Variants in RYR2 observed in about 807,000 individuals in gnomAD.
The protein encoded by RYR2 is ryanodine receptor 2.
A neutral mutation model predicts 601.1 loss-of-function variants in RYR2; 227 were observed. The observed-to-expected ratio is 0.38, with a 90% CI of 0.34 to 0.42. RYR2 has a LOEUF of 0.42. Ranked by LOEUF, RYR2 falls within the 10% of genes least tolerant of loss-of-function variation. The pLI, the probability that RYR2 is intolerant of heterozygous loss-of-function variation, is 1.00. For missense variants in RYR2, 4,646 were observed against 6,156.5 expected, an observed-to-expected ratio of 0.75 and a Z score of 8.21; for synonymous variants, 2,223 against 2,175.1, an observed-to-expected ratio of 1.02 and a Z score of -0.61.
At chr1:237,263,764 G>A (rs1336909045) in intron 1 of RYR2, among the ~76,000 whole-genome samples, 1 of 152,098 alleles carries the variant, frequency 6.6e-6, no homozygotes, top group Non-Finnish European at 1.5e-5. Context: ...GATATTTTTT[G>A]ATTGAGTGCT....
At chr1:237,307,101 G>C (rs10802599) in intron 2 of RYR2, among the ~76,000 whole-genome samples, 142,830 of 152,238 alleles carry the variant, frequency 0.94, 67,678 homozygotes, top group Middle Eastern at 1. Flanking sequence ...GGCTGTATTT[G>C]AGCTTGTATT....
At chr1:237,350,140 A>C (rs1698633536) in intron 3 of RYR2, among the ~76,000 whole-genome samples, 1 of 152,176 alleles carries the variant, frequency 6.6e-6, no homozygotes, top group Non-Finnish European at 1.5e-5. Context: ...ATGGATTGTC[A>C]GATTTTATTA....
intron 24 of RYR2, among the ~76,000 whole-genome samples, chr1:237,524,708 G>T (rs112396302): frequency 6.7e-6 from 1 of 150,302 alleles, no homozygotes; most frequent in Admixed American, 6.6e-5. Flanking sequence ...GTGTGTGTGT[G>T]TATATATACA....
chr1:237,741,969 GA>G (rs1270796738), intron 79 of RYR2, among the ~76,000 whole-genome samples: 2 of 152,192 alleles, frequency 1.3e-5, no homozygotes, highest in Admixed American at 6.6e-5. Context: ...AAAAAAAAGA[GA>G]AAATCCTTTT....
intron 101 of RYR2, among the ~76,000 whole-genome samples, chr1:237,826,161 C>G (rs1381099828): frequency 6.6e-6 from 1 of 152,146 alleles, no homozygotes; most frequent in Non-Finnish European, 1.5e-5. Flanking sequence ...AATCTTATTA[C>G]TGGGGATATA....
intron 27 of RYR2, among the ~76,000 whole-genome samples, chr1:237,552,788 G>A (rs1670531577): frequency 6.6e-6 from 1 of 151,864 alleles, no homozygotes; most frequent in Admixed American, 6.6e-5. Context: ...TCCTATAGAT[G>A]GATGATGTGG....
chr1:237,423,470 T>A (rs1705797620), intron 12 of RYR2, among the ~76,000 whole-genome samples: 2 of 152,192 alleles, frequency 1.3e-5, no homozygotes, highest in Non-Finnish European at 2.9e-5. Context: ...CAATAAAGGG[T>A]AATGATTACA....
chr1:237,058,105 C>T lies in RYR2; in HGVS notation c.48+15536C>T, dbSNP rs139167945. Among the ~76,000 whole-genome samples, 733 of 152,188 alleles carry T rather than the reference C, an allele frequency of 4.8e-3. 7 individuals are homozygous for T. The highest frequency in any genetic ancestry group is 0.017 in the African/African-American group (693 of 41,522). ...AAATGGGAGAAGCTGATATTGCTGG[C>T]GGGTTTTTTCTCATAGCTGTTAACT... is the stretch of plus-strand genomic sequence containing the variant. On this transcript the variant is annotated intron_variant, in intron 1 of 104. Transcript: ENST00000366574.
chr1:237,454,693 G>C (rs1245500644), intron 15 of RYR2, 119 bp downstream of exon 15: 1 of 888,542 alleles, frequency 1.1e-6, no homozygotes, highest in Non-Finnish European at 1.8e-6. Context: ...AGAGGAGAAA[G>C]TATACTACTG....
chr1:237,101,315 A>AC (rs1326040103), intron 1 of RYR2, among the ~76,000 whole-genome samples: 1 of 142,386 alleles, frequency 7.0e-6, no homozygotes, highest in Admixed American at 7.0e-5. Context: ...AAAAAAAAAA[A>AC]AAAAAAAAAC....
intron 13 of RYR2, among the ~76,000 whole-genome samples, chr1:237,442,960 G>A (rs1329282833): frequency 1.3e-5 from 2 of 152,158 alleles, no homozygotes; most frequent in Admixed American, 1.3e-4. Flanking sequence ...TTTTATGTAT[G>A]TTTGGAACAA....
intron 62 of RYR2, among the ~76,000 whole-genome samples, chr1:237,683,562 C>T (rs1380830162): frequency 2.0e-5 from 3 of 152,072 alleles, no homozygotes; most frequent in Admixed American, 2.0e-4. Flanking sequence ...AACATATTTT[C>T]TAAATGTAGA....
At chr1:237,691,361 A>G (rs1686929840) in intron 63 of RYR2, among the ~76,000 whole-genome samples, 1 of 152,180 alleles carries the variant, frequency 6.6e-6, no homozygotes, top group Non-Finnish European at 1.5e-5. Flanking sequence ...TGAAGAGACA[A>G]AATACATGTT....
At chr1:237,560,749 T>C (rs1242946085) in intron 27 of RYR2, among the ~76,000 whole-genome samples, 1 of 152,204 alleles carries the variant, frequency 6.6e-6, no homozygotes, top group Non-Finnish European at 1.5e-5. Context: ...AAGAGGATTT[T>C]TGGAGATTCT....
rs117738839 is a variant in RYR2, at chr1:237,226,498, A to G, written c.49-43999A>G. On this transcript the variant is annotated intron_variant, in intron 1 of 104. Transcript: ENST00000366574. ...CTGTTTATTCAGAAAAACACCTCAG[A>G]TCTCAAACCAATTTAGAGAGCTCAG... Among the ~76,000 whole-genome samples the G allele has an allele frequency of 9.2e-5, 14 of 152,288 alleles. No homozygotes were observed. In the East Asian group the frequency reaches 2.7e-3, roughly 29 times the overall value.
intron 92 of RYR2, among the ~76,000 whole-genome samples, chr1:237,789,202 A>G (rs1658042376): frequency 6.6e-6 from 1 of 152,110 alleles, no homozygotes; most frequent in African/African-American, 2.4e-5. Flanking sequence ...CAGCAGAGTC[A>G]TATTTAGTGT....
chr1:237,532,550 T>C (rs977612721), intron 25 of RYR2, among the ~76,000 whole-genome samples: 3 of 152,200 alleles, frequency 2.0e-5, no homozygotes, highest in African/African-American at 7.2e-5. Flanking sequence ...CTCTCAGGTT[T>C]TTTGGAAAGT....
chr1:237,342,808 C>G (rs1294520797), intron 3 of RYR2, among the ~76,000 whole-genome samples: 4 of 152,180 alleles, frequency 2.6e-5, no homozygotes, highest in Admixed American at 1.3e-4. Context: ...AGCAAGAACA[C>G]ACAGAATGGG....
intron 1 of RYR2, among the ~76,000 whole-genome samples, chr1:237,097,489 C>T (rs1667612764): frequency 6.6e-6 from 1 of 152,176 alleles, no homozygotes. Flanking sequence ...GAGAATGCTG[C>T]TCTGTAAGTC....
Sources: gnomAD v4.1 joint callset for allele counts (sites outside exome capture counted in the v4.1 genomes callset) on GRCh38, gnomAD v4.1.1 for gene constraint, MANE v1.5 for transcripts, NCBI Gene and HGNC (gene_info 2026-07-23, HGNC 2026-07-21) for gene names.